CFAP52: variants seen among roughly 807,000 people sequenced by gnomAD.
The protein encoded by CFAP52 is cilia and flagella associated protein 52, also known as cilia- and flagella-associated protein 52.
A neutral mutation model predicts 70.5 loss-of-function variants in CFAP52; 57 were observed. The observed-to-expected ratio is 0.81, with a 90% CI of 0.65 to 1.01. The LOEUF is 1.01. CFAP52 is among the 50% of genes least tolerant of loss of function. CFAP52 has a pLI of 0.00. For missense variants in CFAP52, 785 were observed against 788.5 expected, an observed-to-expected ratio of 1.00 and a Z score of 0.05; for synonymous variants, 267 against 292.5, an observed-to-expected ratio of 0.91 and a Z score of 0.89.
At chr17:9,630,229 C>T (rs558121418) in intron 9 of CFAP52, among the ~76,000 whole-genome samples, 2 of 151,766 alleles carry the variant, frequency 1.3e-5, no homozygotes, top group African/African-American at 4.8e-5. Context: ...GTATACTTTC[C>T]CGCAGTCTGT....
chr17:9,594,467 A>G, intron 4 of CFAP52, 146 bp downstream of exon 4: 9 of 999,650 alleles, frequency 9.0e-6, no homozygotes, highest in African/African-American at 1.7e-5. Flanking sequence ...TGTACTCATT[A>G]AAAGTTCTCT....
chr17:9,602,244 T>C (rs1055025012), intron 6 of CFAP52, among the ~76,000 whole-genome samples: 1 of 152,168 alleles, frequency 6.6e-6, no homozygotes, highest in Non-Finnish European at 1.5e-5. Context: ...GTCGTCTACA[T>C]TAAGTATTTC....
chr17:9,643,226 C>A lies in CFAP52; in HGVS notation c.*28C>A. On this transcript the variant is annotated 3_prime_UTR_variant, in exon 14 of 14. Transcript: ENST00000352665. Reference sequence around the variant, plus strand: ...CTGATGAGATGTCTCTGAGCCTTGGCGTTGCACGCAGTCCTGTTGAAGACT... The same window carrying A: ...CTGATGAGATGTCTCTGAGCCTTGGAGTTGCACGCAGTCCTGTTGAAGACT... 1 of 1,556,102 alleles carries A rather than the reference C, an allele frequency of 6.4e-7. No homozygotes were observed. Among genetic ancestry groups the A allele is most frequent in the Non-Finnish European group, 8.7e-7 (1 of 1,147,952 alleles).
chr17:9,638,404 C>A (rs146620915), intron 11 of CFAP52, among the ~76,000 whole-genome samples: 1 of 152,106 alleles, frequency 6.6e-6, no homozygotes, highest in Non-Finnish European at 1.5e-5. Context: ...ATAGGCCAAC[C>A]GGAGTACACA....
At chr17:9,596,862 C>T (rs1909041764) in intron 4 of CFAP52, among the ~76,000 whole-genome samples, 1 of 152,030 alleles carries the variant, frequency 6.6e-6, no homozygotes, top group African/African-American at 2.4e-5. Context: ...ATTACAGGTG[C>T]CCACCACCAC....
chr17:9,606,654 C>CATCT (rs1237605456), intron 6 of CFAP52, among the ~76,000 whole-genome samples: 1 of 152,178 alleles, frequency 6.6e-6, no homozygotes, highest in Non-Finnish European at 1.5e-5. Flanking sequence ...TGAATGACGT[C>CATCT]ATCTATAGTT....
At chr17:9,635,594 C>G in intron 11 of CFAP52, 38 bp downstream of exon 11, 1 of 1,612,810 alleles carries the variant, frequency 6.2e-7, no homozygotes, top group South Asian at 1.1e-5. Context: ...GTGATACCTG[C>G]AAAATCCAAT....
rs1192286809 is a variant in CFAP52, at chr17:9,628,758, C to A, written c.1112C>A (p.Thr371Asn). 19 of 1,614,064 alleles carry A rather than the reference C, an allele frequency of 1.2e-5. No homozygotes were observed. The highest frequency in any genetic ancestry group is 1.6e-5 in the Non-Finnish European group (19 of 1,180,036). ...TSSNRELLRI[T>N]VPNMTCHGID... ...TCCAACAGGGAGCTGCTGCGGATCA[C>A]CGTGCCCAACATGACCTGCCACGGC... The change falls in exon 9 of 14, where the codon ACC (threonine) becomes AAC (asparagine). Residue 371 changes from threonine (T) to asparagine (N), a missense_variant. Thr to Asn is a moderately conservative substitution (Grantham distance 65, BLOSUM62 0). Transcript: ENST00000352665.
chr17:9,583,223 T>C (rs1326267385), intron 1 of CFAP52, among the ~76,000 whole-genome samples: 2 of 152,042 alleles, frequency 1.3e-5, no homozygotes, highest in Non-Finnish European at 2.9e-5. Context: ...CCTAAAGACA[T>C]AAACCTTGGT....
intron 12 of CFAP52, 127 bp downstream of exon 12, chr17:9,638,838 C>A: frequency 2.3e-6 from 2 of 851,426 alleles, no homozygotes; most frequent in South Asian, 1.6e-5. Flanking sequence ...CATCAATCAG[C>A]CATGCCACTT....
At position 9,601,704 on chromosome 17, in the gene CFAP52, A is replaced by T. The variant is rs1420160216; in HGVS notation, c.753+1521A>T. 2.0e-5 allele frequency among the ~76,000 whole-genome samples: 3 copies of T among 152,250 alleles called. No individual in the cohort carries two copies. The East Asian group carries it at 5.8e-4, about 29-fold the overall frequency. ...GTTAAAAGGACAGTTAGAGACTTTGATATTTATACCAAAATAAAAAGCTAC... is the reference window on the plus strand; with the variant it reads ...GTTAAAAGGACAGTTAGAGACTTTGTTATTTATACCAAAATAAAAAGCTAC... On this transcript the variant is annotated intron_variant, in intron 6 of 13. Coordinates refer to ENST00000352665, the MANE Select transcript of CFAP52 (RefSeq NM_145054.5).
intron 10 of CFAP52, 123 bp downstream of exon 10, chr17:9,633,156 T>C (rs1910630091): frequency 1.1e-5 from 13 of 1,155,818 alleles, no homozygotes; most frequent in Middle Eastern, 2.0e-4. Flanking sequence ...CAAATTGACA[T>C]TTTGATGAGA....
intron 6 of CFAP52, among the ~76,000 whole-genome samples, chr17:9,607,687 G>A (rs1356190449): frequency 6.6e-6 from 1 of 152,218 alleles, no homozygotes; most frequent in Non-Finnish European, 1.5e-5. Context: ...GCATTGCTGA[G>A]GTTATGCTTA....
Position 9,600,105 on chromosome 17 carries a change from G to T in CFAP52, c.675G>T (p.Thr225=). Residue 225 remains threonine, a synonymous_variant, in exon 6 of 14, where the codon ACG becomes ACT. Coordinates refer to ENST00000352665, the MANE Select transcript of CFAP52 (RefSeq NM_145054.5). Reference sequence around the variant, plus strand: ...ATAGCTTTTTCTACCTTGGCACCACGACTGGAGATATTCTAAAAATGAACC... The same window carrying T: ...ATAGCTTTTTCTACCTTGGCACCACTACTGGAGATATTCTAAAAATGAACC... ...DDDSFFYLGT[T]TGDILKMNPR... The T allele has an allele frequency of 1.9e-6, 3 of 1,613,798 alleles. No individual in the cohort carries two copies. The highest frequency in any genetic ancestry group is 2.5e-6 in the Non-Finnish European group (3 of 1,179,880).
At chr17:9,604,265 A>T (rs1403680889) in intron 6 of CFAP52, among the ~76,000 whole-genome samples, 3 of 152,204 alleles carry the variant, frequency 2.0e-5, no homozygotes, top group African/African-American at 7.2e-5. Flanking sequence ...GAAAGAAAGA[A>T]TTGAAAAGCT....
chr17:9,608,467 C>T (rs1326688301), intron 7 of CFAP52, among the ~76,000 whole-genome samples: 1 of 152,148 alleles, frequency 6.6e-6, no homozygotes, highest in East Asian at 1.9e-4. Flanking sequence ...TTAATAAATA[C>T]ATAAGTTTGT....
Position 9,585,443 on chromosome 17 carries a change from C to T in CFAP52, c.71-330C>T, listed in dbSNP as rs148740350. On this transcript the variant is annotated intron_variant, in intron 1 of 13. Coordinates refer to ENST00000352665, the MANE Select transcript of CFAP52 (RefSeq NM_145054.5). ...CAGCACTTTGGGAGGCTAAGGTGGACGGATCACGAGGTCAGCAGTTCAAGA... is the reference window on the plus strand; with the variant it reads ...CAGCACTTTGGGAGGCTAAGGTGGATGGATCACGAGGTCAGCAGTTCAAGA... Among the ~76,000 whole-genome samples, 158 of 152,098 alleles carry T rather than the reference C, an allele frequency of 1.0e-3. 1 individual carries two copies. The highest frequency in any genetic ancestry group is 4.1e-3 in the South Asian group (20 of 4,822).
At chr17:9,589,499 G>A (rs184053410) in intron 3 of CFAP52, among the ~76,000 whole-genome samples, 58 of 152,240 alleles carry the variant, frequency 3.8e-4, no homozygotes, top group Non-Finnish European at 6.0e-4. Context: ...TTGGGAGGCC[G>A]AGGCAGGTGG....
At chr17:9,581,823 G>A (rs899106729) in intron 1 of CFAP52, among the ~76,000 whole-genome samples, 2 of 152,144 alleles carry the variant, frequency 1.3e-5, no homozygotes, top group African/African-American at 4.8e-5. Flanking sequence ...AACATAATTG[G>A]CTCAGCCAAT....
Sources: gnomAD v4.1 joint callset for allele counts (sites outside exome capture counted in the v4.1 genomes callset) on GRCh38, gnomAD v4.1.1 for gene constraint, MANE v1.5 for transcripts, NCBI Gene and HGNC (gene_info 2026-07-23, HGNC 2026-07-21) for gene names.